Variants in EVC2 observed in about 807,000 individuals in gnomAD.
The protein encoded by EVC2 is limbin.
In EVC2, 148 loss-of-function variants were observed where a neutral mutation model predicts 149.3. The observed-to-expected ratio is 0.99, with a 90% CI of 0.87 to 1.14. The LOEUF is 1.14. EVC2 is among the 50% of genes most tolerant of loss of function. The pLI, the probability that EVC2 is intolerant of heterozygous loss-of-function variation, is 0.00. For missense variants in EVC2, 1,854 were observed against 1,627.3 expected, an observed-to-expected ratio of 1.14 and a Z score of -2.40; for synonymous variants, 776 against 649.9, an observed-to-expected ratio of 1.19 and a Z score of -2.95.
At chr4:5,593,413 C>A (rs1713022939) in intron 16 of EVC2, among the ~76,000 whole-genome samples, 1 of 152,142 alleles carries the variant, frequency 6.6e-6, no homozygotes, top group Non-Finnish European at 1.5e-5. Context: ...GTCTTATGCT[C>A]CTTGGTTAAA....
chr4:5,672,808 C>T (rs573829684), intron 7 of EVC2, among the ~76,000 whole-genome samples: 1 of 152,292 alleles, frequency 6.6e-6, no homozygotes, highest in South Asian at 2.1e-4. Context: ...GACTATTATT[C>T]AGCCACAAAA....
the EVC2 span, among the ~76,000 whole-genome samples, chr4:5,530,727 A>G: frequency 6.6e-6 from 1 of 152,228 alleles, no homozygotes; most frequent in Non-Finnish European, 1.5e-5. Flanking sequence ...TAGCTGATTG[A>G]GGTTACCAGA....
Position 5,625,304 on chromosome 4 carries a change from CCATACA to C in EVC2, c.2046+439_2046+444del, listed in dbSNP as rs1716021258. ...CCACTTACTAGATATTTGACCTTGA[CCATACA>C]CACACACACACACACACACACACAC... is the stretch of plus-strand genomic sequence containing the variant. On this transcript the variant is annotated intron_variant, in intron 13 of 21. Transcript: ENST00000344408. This position sits in a 1 kb window ranked among gnomAD's most constrained non-coding sequence, Gnocchi z 4.0. 8.0e-6 allele frequency among the ~76,000 whole-genome samples: 1 copy of C among 125,512 alleles called. No homozygotes were observed. The highest frequency in any genetic ancestry group is 1.6e-5 in the Non-Finnish European group (1 of 61,272). 82.3% of individuals were successfully genotyped at this position (125,512 alleles called of 152,430 possible).
chr4:5,551,012 G>C (rs978240003), intron 21 of EVC2, among the ~76,000 whole-genome samples: 1 of 152,220 alleles, frequency 6.6e-6, no homozygotes, highest in Non-Finnish European at 1.5e-5. Context: ...AAATTGTATG[G>C]AAATGCCTGG....
At chr4:5,706,783 C>T (rs1015309674) in intron 1 of EVC2, among the ~76,000 whole-genome samples, 5 of 152,094 alleles carry the variant, frequency 3.3e-5, no homozygotes, top group Non-Finnish European at 7.4e-5. Flanking sequence ...CTGGGATGGG[C>T]GTGGGCAGGG....
At chr4:5,662,171 G>C (rs182935276) in intron 9 of EVC2, among the ~76,000 whole-genome samples, 1 of 152,050 alleles carries the variant, frequency 6.6e-6, no homozygotes. Flanking sequence ...CTCCTTTCAC[G>C]TCCTTACATC....
chr4:5,660,579 A>T (rs907555071), intron 9 of EVC2, among the ~76,000 whole-genome samples: 1 of 152,160 alleles, frequency 6.6e-6, no homozygotes, highest in Non-Finnish European at 1.5e-5. Flanking sequence ...TATGCTTTCA[A>T]TTCTCTTGAG....
chr4:5,664,551 G>C (rs1050768554), intron 8 of EVC2, among the ~76,000 whole-genome samples: 27 of 152,122 alleles, frequency 1.8e-4, no homozygotes, highest in Admixed American at 1.6e-3. Flanking sequence ...TGATTAGATG[G>C]GACGTTTTTC....
intron 21 of EVC2, among the ~76,000 whole-genome samples, chr4:5,547,783 A>T (rs73070499): frequency 1.1e-4 from 17 of 152,146 alleles, no homozygotes; most frequent in Non-Finnish European, 2.2e-4. Flanking sequence ...GAGCTATAAC[A>T]CAAACAGGGC....
Position 5,562,558 on chromosome 4 carries a change from G to A in EVC2, c.*290C>T. 1.5e-6 allele frequency: 2 copies of A among 1,320,288 alleles called. No individual in the cohort carries two copies. The highest frequency in any genetic ancestry group is 3.3e-5 in the South Asian group (2 of 60,674). The allele number at this position is 1,320,288 out of a possible 1,614,324, so 81.8% of individuals were successfully genotyped here. On this transcript the variant is annotated 3_prime_UTR_variant, in exon 22 of 22. Coordinates refer to ENST00000344408, the MANE Select transcript of EVC2 (RefSeq NM_147127.5). This position sits in a 1 kb window ranked among gnomAD's most constrained non-coding sequence, Gnocchi z 4.3. Reference sequence around the variant, plus strand: ...CACACAGACCATAGCTTCTGCAGCAGAGGATGGGGTGTGGATTGCAGGGTG... The same window carrying A: ...CACACAGACCATAGCTTCTGCAGCAAAGGATGGGGTGTGGATTGCAGGGTG...
At chr4:5,651,207 T>C in intron 9 of EVC2, among the ~76,000 whole-genome samples, 1 of 151,522 alleles carries the variant, frequency 6.6e-6, no homozygotes, top group East Asian at 1.9e-4. Context: ...GATGGCTAGC[T>C]GGCTGGATGG....
chr4:5,589,127 T>A (rs755425310), intron 16 of EVC2, among the ~76,000 whole-genome samples: 16 of 152,266 alleles, frequency 1.1e-4, no homozygotes, highest in Non-Finnish European at 2.4e-4. Context: ...TGTGTTTCTA[T>A]AATTATTGAG....
At chr4:5,560,203 CTCTCA>C (rs1721911555), downstream of EVC2, among the ~76,000 whole-genome samples, 1 of 152,070 alleles carries the variant, frequency 6.6e-6, no homozygotes, top group African/African-American at 2.4e-5. This position sits in a 1 kb window ranked among gnomAD's most constrained non-coding sequence, Gnocchi z 4.1. Flanking sequence ...TGGAGCTTCT[CTCTCA>C]TGAGTAGGCT....
intron 16 of EVC2, among the ~76,000 whole-genome samples, chr4:5,604,412 T>C (rs1714226729): frequency 6.6e-6 from 1 of 152,200 alleles, no homozygotes; most frequent in African/African-American, 2.4e-5. Context: ...TTGCTTTCAA[T>C]TAAAGTTACG....
chr4:5,565,308 C>G lies in EVC2; in HGVS notation c.3609G>C (p.Leu1203=), dbSNP rs754595798. 1.4e-5 allele frequency: 22 copies of G among 1,614,032 alleles called. No homozygotes were observed. The highest frequency in any genetic ancestry group is 1.9e-5 in the Non-Finnish European group (22 of 1,180,038). The change falls in exon 21 of 22, where the codon CTG becomes CTC. Residue 1203 remains leucine (L), a synonymous_variant. Coordinates refer to ENST00000344408, the MANE Select transcript of EVC2 (RefSeq NM_147127.5). ...GCATCTTTTCTAATCCTCTGCTTAT[C>G]AGATCTCCTCGCAGTTTGCCATCTA... ...QALDGKLRGD[L]ISRGLEKMLW... is the part of the protein sequence containing the mutation.
At chr4:5,574,242 G>T (rs1722790078) in intron 19 of EVC2, among the ~76,000 whole-genome samples, 1 of 152,238 alleles carries the variant, frequency 6.6e-6, no homozygotes, top group African/African-American at 2.4e-5. Context: ...GTATCAGGAA[G>T]GGAGGTGAGT....
In EVC2 at chr4:5,607,213, T is replaced by G. The variant is rs1714462211; in HGVS notation, c.2829+8209A>C. 2.6e-5 allele frequency among the ~76,000 whole-genome samples: 4 copies of G among 152,190 alleles called. No individual in the cohort carries two copies. In the South Asian group the frequency reaches 8.3e-4, roughly 32 times the overall value. ...AGGGACATGAGGATGATAAGGAAAC[T>G]GGGACCGTCTCAAGCAAATTGAGAT... On this transcript the variant is annotated intron_variant, in intron 16 of 21. Transcript: ENST00000344408.
At chr4:5,537,941 C>A (rs1721450290), downstream of EVC2, among the ~76,000 whole-genome samples, 1 of 151,120 alleles carries the variant, frequency 6.6e-6, no homozygotes, top group African/African-American at 2.4e-5. Context: ...AAGATAAGAG[C>A]AGATATCAGT....
chr4:5,642,264 A>T (rs117659304), intron 9 of EVC2, among the ~76,000 whole-genome samples: 2 of 152,174 alleles, frequency 1.3e-5, no homozygotes, highest in Non-Finnish European at 2.9e-5. Context: ...TCATCATTCA[A>T]TTAGAATTAA....
Sources: allele counts gnomAD v4.1 joint callset (sites outside exome capture counted in the v4.1 genomes callset), GRCh38; gene constraint gnomAD v4.1.1; non-coding constraint Gnocchi (gnomAD v3.1); transcripts MANE v1.5; gene names NCBI Gene and HGNC (gene_info 2026-07-23, HGNC 2026-07-21).